The following C7orf78 variants were observed in gnomAD, a reference collection of about 807,000 sequenced individuals.
The protein encoded by C7orf78 is chromosome 7 open reading frame 78.
the C7orf78 span, among the ~76,000 whole-genome samples, chr7:12,527,440 C>G: frequency 1.1e-5 from 1 of 87,762 alleles, no homozygotes; most frequent in Non-Finnish European, 2.1e-5. Context: ...CTATGTGTCA[C>G]TCACTTTGAT....
the C7orf78 span, among the ~76,000 whole-genome samples, chr7:12,514,547 T>C: frequency 6.6e-5 from 10 of 152,128 alleles, no homozygotes; most frequent in Non-Finnish European, 1.5e-5. Flanking sequence ...TTCAAGGTTA[T>C]TATTGATTTT....
the C7orf78 span, among the ~76,000 whole-genome samples, chr7:12,484,423 T>C: frequency 3.4e-4 from 52 of 152,312 alleles, no homozygotes; most frequent in Non-Finnish European, 6.0e-4. Context: ...CTTGACTAGT[T>C]TTCTATCTCT....
the C7orf78 span, chr7:12,504,300 C>G: frequency 6.6e-6 from 1 of 152,108 alleles, no homozygotes; most frequent in Non-Finnish European, 1.5e-5. Flanking sequence ...AGAGTTATTG[C>G]TTTGTTGCTA....
the C7orf78 span, among the ~76,000 whole-genome samples, chr7:12,533,332 C>G: frequency 1.3e-5 from 2 of 151,936 alleles, no homozygotes; most frequent in Non-Finnish European, 2.9e-5. Context: ...TCCTGAGTAG[C>G]TGGGATTACA....
chr7:12,536,162 G>C, the C7orf78 span, among the ~76,000 whole-genome samples: 1 of 152,312 alleles, frequency 6.6e-6, no homozygotes, highest in African/African-American at 2.4e-5. Flanking sequence ...CCCTAGCAGA[G>C]GTTCTCCATG....
the C7orf78 span, among the ~76,000 whole-genome samples, chr7:12,501,027 A>G: frequency 6.6e-6 from 1 of 151,712 alleles, no homozygotes; most frequent in Non-Finnish European, 1.5e-5. Context: ...ACAAAATTCA[A>G]CAACACTTCA....
chr7:12,536,900 C>T, the C7orf78 span, among the ~76,000 whole-genome samples: 1 of 152,296 alleles, frequency 6.6e-6, no homozygotes. Flanking sequence ...TCTGAGACGA[C>T]CTCAGCCTGG....
At chr7:12,512,735 A>T in the C7orf78 span, among the ~76,000 whole-genome samples, 1 of 151,980 alleles carries the variant, frequency 6.6e-6, no homozygotes, top group African/African-American at 2.4e-5. Context: ...AATTTTTTGG[A>T]ATAGTTTGAG....
the C7orf78 span, among the ~76,000 whole-genome samples, chr7:12,514,312 A>G: frequency 2.6e-5 from 4 of 151,878 alleles, no homozygotes; most frequent in African/African-American, 9.7e-5. Context: ...AATATTCTTT[A>G]TCTTTTATTT....
At chr7:12,538,760 G>T in the C7orf78 span, among the ~76,000 whole-genome samples, 2 of 152,076 alleles carry the variant, frequency 1.3e-5, no homozygotes. Flanking sequence ...ACCAAATGGC[G>T]TGAGTACAGA....
At chr7:12,503,948 A>T in the C7orf78 span, among the ~76,000 whole-genome samples, 1 of 152,202 alleles carries the variant, frequency 6.6e-6, no homozygotes, top group Non-Finnish European at 1.5e-5. Flanking sequence ...TGTTTCTGAA[A>T]AAAAGAAAAA....
the C7orf78 span, among the ~76,000 whole-genome samples, chr7:12,520,029 T>C: frequency 6.6e-6 from 1 of 152,336 alleles, no homozygotes; most frequent in Non-Finnish European, 1.5e-5. Context: ...AGGGTTAATG[T>C]GGGTACAGGA....
the C7orf78 span, among the ~76,000 whole-genome samples, chr7:12,489,159 G>A: frequency 6.6e-6 from 1 of 151,904 alleles, no homozygotes; most frequent in Non-Finnish European, 1.5e-5. Flanking sequence ...TAGACAAAAA[G>A]CAAGGGACAT....
the C7orf78 span, among the ~76,000 whole-genome samples, chr7:12,508,592 A>G: frequency 1.3e-5 from 2 of 152,216 alleles, no homozygotes; most frequent in African/African-American, 2.4e-5. Context: ...ATTGGCATGT[A>G]TGGACTAAAT....
the C7orf78 span, among the ~76,000 whole-genome samples, chr7:12,503,925 C>T: frequency 6.6e-6 from 1 of 151,754 alleles, no homozygotes; most frequent in African/African-American, 2.4e-5. Context: ...GCCTAGGCGA[C>T]AGAGCATGAC....
the C7orf78 span, among the ~76,000 whole-genome samples, chr7:12,511,597 A>G: frequency 6.6e-6 from 1 of 152,062 alleles, no homozygotes. Context: ...TCGTTAGCTC[A>G]ATTTATTCTT....
At chr7:12,537,320 C>T in the C7orf78 span, among the ~76,000 whole-genome samples, 60 of 152,308 alleles carry the variant, frequency 3.9e-4, no homozygotes, top group South Asian at 8.3e-4. Context: ...CATCAGATCT[C>T]GTGAGACTCA....
the C7orf78 span, among the ~76,000 whole-genome samples, chr7:12,500,402 C>G: frequency 6.7e-6 from 1 of 149,838 alleles, no homozygotes; most frequent in Non-Finnish European, 1.5e-5. Context: ...GGGGATATAA[C>G]CACCAATCCC....
chr7:12,502,250 A>T, the C7orf78 span, among the ~76,000 whole-genome samples: 1 of 112,690 alleles, frequency 8.9e-6, no homozygotes, highest in South Asian at 3.9e-4. Context: ...ATTAAACTAA[A>T]GAGCTTCTGC....
Sources: allele counts gnomAD v4.1 joint callset (sites outside exome capture counted in the v4.1 genomes callset), GRCh38; gene constraint gnomAD v4.1.1; transcripts MANE v1.5; gene names NCBI Gene and HGNC (gene_info 2026-07-23, HGNC 2026-07-21).